MAST1: variants seen among roughly 807,000 people sequenced by gnomAD.
The protein encoded by MAST1 is microtubule associated serine/threonine kinase 1, also known as microtubule-associated serine/threonine-protein kinase 1.
In MAST1, 40 loss-of-function variants were observed where a neutral mutation model predicts 124.6. That is an observed-to-expected ratio of 0.32 (90% CI 0.25 to 0.42). MAST1 has a LOEUF of 0.42. Ranked by LOEUF, MAST1 falls within the 10% of genes least tolerant of loss-of-function variation. The pLI, the probability that MAST1 is intolerant of heterozygous loss-of-function variation, is 1.00. For missense variants in MAST1, 1,558 were observed against 2,181.9 expected (o/e 0.71, Z 5.70); for synonymous variants, 938 against 939.4 (o/e 1.00, Z 0.03).
At position 12,838,938 on chromosome 19, in the gene MAST1, G is replaced by A. The variant is rs1211616157; in HGVS notation, c.83+283G>A. Reference sequence around the variant, plus strand: ...CGCTGCGGGCTCCAACAGCCTGGTGGGGGTAGAGGAAGAAGGGGAGGCTGG... The same window carrying A: ...CGCTGCGGGCTCCAACAGCCTGGTGAGGGTAGAGGAAGAAGGGGAGGCTGG... On this transcript the variant is annotated intron_variant, in intron 1 of 25. Transcript: ENST00000251472. The surrounding 1 kb of genome is among the most constrained non-coding windows in gnomAD (Gnocchi z 4.3). Among the ~76,000 whole-genome samples the A allele has an allele frequency of 6.6e-6, 1 of 151,842 alleles. No homozygotes were observed. Among genetic ancestry groups the A allele is most frequent in the African/African-American group, 2.4e-5 (1 of 41,316 alleles).
intron 12 of MAST1, among the ~76,000 whole-genome samples, chr19:12,864,377 G>C (rs2145906540): frequency 6.8e-6 from 1 of 146,982 alleles, no homozygotes; most frequent in Admixed American, 6.9e-5. Context: ...CTGGGCAATG[G>C]AGTAAGACCC....
rs990250846 is a variant in MAST1, at chr19:12,874,444, G to A, written c.4287G>A (p.Ala1429=). 2 of 1,597,048 alleles carry A rather than the reference G, an allele frequency of 1.3e-6. No individual in the cohort carries two copies. Among genetic ancestry groups the A allele is most frequent in the Non-Finnish European group, 1.7e-6 (2 of 1,178,362 alleles). ...ETGRRSSSGE[A]GTPLVPIVVE... ...GCCGGCGCAGCAGCTCTGGCGAGGC[G>A]GGCACACCCCTGGTACCCATTGTCG... is the stretch of plus-strand genomic sequence containing the variant. Residue 1429 remains alanine, a synonymous_variant, in exon 26 of 26, where the codon GCG becomes GCA. Coordinates refer to ENST00000251472, the MANE Select transcript of MAST1 (RefSeq NM_014975.3). The surrounding 1 kb of genome is among the most constrained non-coding windows in gnomAD (Gnocchi z 6.6).
At position 12,868,646 on chromosome 19, in the gene MAST1, A is replaced by G. The variant is rs751221172; in HGVS notation, c.2570A>G (p.Asp857Gly). 23 of 1,580,956 alleles carry G rather than the reference A, an allele frequency of 1.5e-5. No individual in the cohort carries two copies. In the East Asian group the frequency reaches 5.2e-4, roughly 36 times the overall value. The part of the protein sequence containing the change: ...TSSAGDSEAT[D>G]RPRPGDLCPP... ...ACACACTTGCTTTCTGTTGCAGCTG[A>G]CCGTCCACGCCCAGGTGACCTCTGC... Residue 857 changes from aspartate to glycine, a missense_variant, in exon 21 of 26, where the codon GAC (aspartate) becomes GGC (glycine). This residue lies in a region of MAST1 where 287 missense variants were observed against 308.0 expected (regional missense o/e 0.93). Transcript: ENST00000251472.
chr19:12,844,723 G>T (rs1378075342), intron 4 of MAST1, among the ~76,000 whole-genome samples: 5 of 152,140 alleles, frequency 3.3e-5, no homozygotes, highest in Non-Finnish European at 7.4e-5. Flanking sequence ...GCTTTGTGGG[G>T]CTGAAAATTT....
At chr19:12,852,886 C>T (rs1969979830) in intron 10 of MAST1, among the ~76,000 whole-genome samples, 1 of 151,744 alleles carries the variant, frequency 6.6e-6, no homozygotes, top group Admixed American at 6.6e-5. Flanking sequence ...ATTGCTCTTC[C>T]CCTGTGACCT....
At position 12,868,046 on chromosome 19, in the gene MAST1, C is replaced by T. The variant is rs1456786347; in HGVS notation, c.2566+69C>T. On this transcript the variant is annotated intron_variant, in intron 20 of 25. Coordinates refer to ENST00000251472, the MANE Select transcript of MAST1 (RefSeq NM_014975.3). ...CCTACTGGTCATATAGTGAGCATCC[C>T]ACGAGCCTGGTGCTGTTTATGAAAG... The T allele has an allele frequency of 2.1e-6, 3 of 1,462,478 alleles. No homozygotes were observed. In the African/African-American group the frequency reaches 4.3e-5, roughly 21 times the overall value. The allele number at this position is 1,462,478 out of a possible 1,614,324, so 90.6% of individuals were successfully genotyped here.
rs566392761 is a variant in MAST1 at position 12,843,669 on chromosome 19, A to G, written c.327+62A>G. ...AGGAATTCAGGGGCCCTCCAGCCTGAAGACCCACACCCAGGCCAGCAGTCC... is the reference window on the plus strand; with the variant it reads ...AGGAATTCAGGGGCCCTCCAGCCTGGAGACCCACACCCAGGCCAGCAGTCC... On this transcript the variant is annotated intron_variant, in intron 4 of 25. Coordinates refer to ENST00000251472, the MANE Select transcript of MAST1 (RefSeq NM_014975.3). The surrounding 1 kb of genome is among the most constrained non-coding windows in gnomAD (Gnocchi z 4.9). 4.7e-5 allele frequency: 69 copies of G among 1,464,898 alleles called. No individual in the cohort carries two copies. The African/African-American group carries it at 8.4e-4, about 18-fold the overall frequency. 90.7% of individuals were successfully genotyped at this position (1,464,898 alleles called of 1,614,324 possible). A position where few individuals can be genotyped will look rare whatever the true frequency, so the allele number is the denominator to read the frequency against.
intron 2 of MAST1, 27 bp downstream of exon 2, chr19:12,840,561 G>C: frequency 2.0e-6 from 3 of 1,531,156 alleles, no homozygotes; most frequent in South Asian, 2.3e-5. Flanking sequence ...AGACTTGGTG[G>C]GTGCAGACTG....
Position 12,869,231 on chromosome 19 carries a change from C to T in MAST1, c.2939C>T (p.Thr980Ile). The T allele has an allele frequency of 6.2e-7, 1 of 1,614,170 alleles. No individual in the cohort carries two copies. The highest frequency in any genetic ancestry group is 8.5e-7 in the Non-Finnish European group (1 of 1,180,028). ...IQRSGKKYGF[T>I]LRAIRVYMGD... Reference sequence around the variant, plus strand: ...CGCTCGGGCAAGAAGTATGGCTTCACACTGCGTGCCATCCGTGTCTACATG... The same window carrying T: ...CGCTCGGGCAAGAAGTATGGCTTCATACTGCGTGCCATCCGTGTCTACATG... The change falls in exon 22 of 26, where the codon ACA becomes ATA. Residue 980 changes from threonine to isoleucine, a missense_variant. Coordinates refer to ENST00000251472, the MANE Select transcript of MAST1 (RefSeq NM_014975.3).
At position 12,851,984 on chromosome 19, in the gene MAST1, G is replaced by A. The variant is rs747274594; in HGVS notation, c.825G>A (p.Val275=). 2 of 1,614,178 alleles carry A rather than the reference G, an allele frequency of 1.2e-6. No homozygotes were observed. Among genetic ancestry groups the A allele is most frequent in the Non-Finnish European group, 1.7e-6 (2 of 1,180,046 alleles). ...SLEVAFVTQL[V]KKLLIIISRP... ...AGGTGGCCTTCGTTACTCAGCTGGT[G>A]AAGAAGTTGCTTATTATCATCTCAC... Residue 275 remains valine, a synonymous_variant, in exon 8 of 26, where the codon GTG becomes GTA. Coordinates refer to ENST00000251472, the MANE Select transcript of MAST1 (RefSeq NM_014975.3).
intron 7 of MAST1, among the ~76,000 whole-genome samples, chr19:12,850,694 G>T (rs1439635129): frequency 6.6e-6 from 1 of 152,082 alleles, no homozygotes; most frequent in African/African-American, 2.4e-5. Flanking sequence ...GCTAGGCACA[G>T]CCTGTTGGAT....
chr19:12,856,262 C>T (rs548800945), intron 10 of MAST1, among the ~76,000 whole-genome samples: 56 of 151,640 alleles, frequency 3.7e-4, no homozygotes, highest in African/African-American at 1.4e-3. Flanking sequence ...TTCCCCATTG[C>T]CCTATAGCCC....
At chr19:12,857,984 A>G (rs1268643365) in intron 10 of MAST1, among the ~76,000 whole-genome samples, 1 of 136,772 alleles carries the variant, frequency 7.3e-6, no homozygotes, top group Non-Finnish European at 1.5e-5. Context: ...TCCAGTCTGA[A>G]TATCAGAGTG....
chr19:12,858,470 A>G, intron 11 of MAST1, 29 bp downstream of exon 11: 1 of 1,610,766 alleles, frequency 6.2e-7, no homozygotes, highest in Non-Finnish European at 8.5e-7. Context: ...TGGCGGGGGG[A>G]GGGTGGCGGA....
chr19:12,868,969 G>T lies in MAST1; in HGVS notation c.2774-97G>T, dbSNP rs1970198923. The T allele has an allele frequency of 3.9e-6, 6 of 1,532,944 alleles. No individual in the cohort carries two copies. In the South Asian group the frequency reaches 7.0e-5, roughly 18 times the overall value. The allele number at this position is 1,532,944 out of a possible 1,614,324, so 95.0% of individuals were successfully genotyped here. A position where few individuals can be genotyped will look rare whatever the true frequency, so the allele number is the denominator to read the frequency against. ...TTGGCTCCAGGCTGGACCAATGAGAGGCTGCTCTGCCACTGCCTTGGGAGG... is the reference window on the plus strand; with the variant it reads ...TTGGCTCCAGGCTGGACCAATGAGATGCTGCTCTGCCACTGCCTTGGGAGG... On this transcript the variant is annotated intron_variant, in intron 21 of 25. Coordinates refer to ENST00000251472, the MANE Select transcript of MAST1 (RefSeq NM_014975.3).
chr19:12,862,886 C>T (rs1001180151), intron 12 of MAST1, among the ~76,000 whole-genome samples: 4 of 151,846 alleles, frequency 2.6e-5, no homozygotes, highest in African/African-American at 7.3e-5. Flanking sequence ...AGGCTGGTCT[C>T]GAACTCCCAA....
chr19:12,861,680 C>CTTTCTT, intron 12 of MAST1, among the ~76,000 whole-genome samples: 1 of 143,576 alleles, frequency 7.0e-6, no homozygotes, highest in South Asian at 2.2e-4. Context: ...TTCTTTTTCT[C>CTTTCTT]TCTTTCTTTC....
chr19:12,867,420 C>T lies in MAST1; in HGVS notation c.2140-54C>T. ...GATCCACTGCCAGGAAGCTGATTAG[C>T]TCCGGAGTGAAAGTGGAACCCGGGC... On this transcript the variant is annotated intron_variant, in intron 18 of 25. Coordinates refer to ENST00000251472, the MANE Select transcript of MAST1 (RefSeq NM_014975.3). The T allele has an allele frequency of 1.9e-6, 3 of 1,602,634 alleles. No homozygotes were observed. The Admixed American group carries it at 5.0e-5, about 27-fold the overall frequency.
Position 12,847,510 on chromosome 19 carries a change from G to C in MAST1, c.488+60G>C. ...AGTGGTCTTAGGACTTGTGCTTAGA[G>C]AGACCCCTGTCCCCGCGAATAAAAG... On this transcript the variant is annotated intron_variant, in intron 5 of 25. Coordinates refer to ENST00000251472, the MANE Select transcript of MAST1 (RefSeq NM_014975.3). The surrounding 1 kb of genome is among the most constrained non-coding windows in gnomAD (Gnocchi z 5.5). The C allele has an allele frequency of 9.9e-6, 16 of 1,611,000 alleles. No homozygotes were observed. The highest frequency in any genetic ancestry group is 1.4e-5 in the Non-Finnish European group (16 of 1,178,136).
Sources: allele counts gnomAD v4.1 joint callset (sites outside exome capture counted in the v4.1 genomes callset), GRCh38; gene constraint gnomAD v4.1.1; regional missense constraint gnomAD v4.1.1; non-coding constraint Gnocchi (gnomAD v3.1); transcripts MANE v1.5; gene names NCBI Gene and HGNC (gene_info 2026-07-23, HGNC 2026-07-21).